Variants in PDE1C observed in about 807,000 individuals in gnomAD.
The protein encoded by PDE1C is phosphodiesterase 1C, also known as dual specificity calcium/calmodulin-dependent 3',5'-cyclic nucleotide phosphodiesterase 1C.
Under a neutral mutation model 93.1 loss-of-function variants are expected in PDE1C, and 62 were observed. The ratio of observed to expected loss-of-function variants is 0.67; its 90% CI spans 0.54 to 0.82. PDE1C has a LOEUF of 0.82. Among genes scored for constraint, PDE1C ranks in the 40% least tolerant of loss-of-function variants. The pLI, the probability that PDE1C is intolerant of heterozygous loss-of-function variation, is 0.00. For missense variants in PDE1C, 742 were observed against 884.6 expected (o/e 0.84, Z 2.04); for synonymous variants, 325 against 310.1 (o/e 1.05, Z -0.50).
At chr7:32,240,694 G>T (rs1808482617) in intron 1 of PDE1C, among the ~76,000 whole-genome samples, 1 of 152,112 alleles carries the variant, frequency 6.6e-6, no homozygotes, top group Non-Finnish European at 1.5e-5. Context: ...ACAAGATGGG[G>T]TCCTCCAGAC....
chr7:31,939,036 C>T (rs1420498303), intron 2 of PDE1C, among the ~76,000 whole-genome samples: 6 of 152,136 alleles, frequency 3.9e-5, no homozygotes, highest in African/African-American at 1.4e-4. Context: ...AATCCAAGTC[C>T]TTCAGGAAGT....
intron 1 of PDE1C, among the ~76,000 whole-genome samples, chr7:32,395,646 T>C (rs1562705589): frequency 6.6e-6 from 1 of 152,154 alleles, no homozygotes; most frequent in South Asian, 2.1e-4. Context: ...GGTAAGGCTA[T>C]AAATTACAGA....
intron 3 of PDE1C, among the ~76,000 whole-genome samples, chr7:32,101,937 G>A (rs1260393111): frequency 6.6e-6 from 1 of 152,100 alleles, no homozygotes; most frequent in Non-Finnish European, 1.5e-5. Context: ...GAGTGAGTGA[G>A]GGAATAGAGT....
chr7:32,098,335 A>G (rs1797874923), intron 3 of PDE1C, among the ~76,000 whole-genome samples: 1 of 151,846 alleles, frequency 6.6e-6, no homozygotes, highest in South Asian at 2.1e-4. Flanking sequence ...CCAAAAGTTA[A>G]GTGATTTGCC....
intron 17 of PDE1C, among the ~76,000 whole-genome samples, chr7:31,768,618 T>A (rs1460587234): frequency 6.6e-6 from 1 of 152,178 alleles, no homozygotes; most frequent in Non-Finnish European, 1.5e-5. Context: ...TATTGAAACA[T>A]CCCGCCTTCC....
intron 1 of PDE1C, among the ~76,000 whole-genome samples, chr7:32,371,183 A>G (rs73306178): frequency 2.0e-3 from 303 of 151,662 alleles, no homozygotes; most frequent in African/African-American, 7.2e-3. Flanking sequence ...TCTCCCACCA[A>G]AAAACAAAAA....
At chr7:31,676,820 A>G in the PDE1C span, among the ~76,000 whole-genome samples, 289 of 152,318 alleles carry the variant, frequency 1.9e-3, 1 homozygote, top group Non-Finnish European at 3.2e-3. Context: ...AAAGAAAAAA[A>G]AAGTCATGGT....
chr7:31,933,217 G>C (rs1442315006), intron 2 of PDE1C, among the ~76,000 whole-genome samples: 1 of 151,802 alleles, frequency 6.6e-6, no homozygotes, highest in Non-Finnish European at 1.5e-5. Flanking sequence ...ATGTAACCCA[G>C]AACTTAAAGT....
intron 9 of PDE1C, among the ~76,000 whole-genome samples, chr7:31,845,379 T>A (rs955525560): frequency 1.4e-4 from 21 of 152,148 alleles, no homozygotes; most frequent in Admixed American, 1.4e-3. Context: ...CTGGGTTCTG[T>A]TATATTGCTC....
intron 2 of PDE1C, among the ~76,000 whole-genome samples, chr7:32,045,239 C>A (rs1439969661): frequency 1.3e-5 from 2 of 151,932 alleles, no homozygotes; most frequent in Non-Finnish European, 2.9e-5. Context: ...AATTGTAGTG[C>A]TTTTTGGCCC....
intron 16 of PDE1C, among the ~76,000 whole-genome samples, chr7:31,791,598 G>T (rs1784600684): frequency 1.3e-5 from 2 of 152,094 alleles, no homozygotes; most frequent in African/African-American, 4.8e-5. Context: ...ACCACCTTCA[G>T]AGATGTCCCC....
the PDE1C span, among the ~76,000 whole-genome samples, chr7:31,618,893 T>G: frequency 6.6e-6 from 1 of 152,190 alleles, no homozygotes; most frequent in Non-Finnish European, 1.5e-5. Flanking sequence ...GCACATTGCA[T>G]GTTATAAGAA....
At chr7:32,312,606 T>C (rs1359632565) in intron 1 of PDE1C, among the ~76,000 whole-genome samples, 1 of 152,172 alleles carries the variant, frequency 6.6e-6, no homozygotes, top group Non-Finnish European at 1.5e-5. Context: ...GATGCATATC[T>C]ACAACCATCT....
intron 1 of PDE1C, among the ~76,000 whole-genome samples, chr7:32,308,999 G>GA (rs1194713288): frequency 3.3e-5 from 5 of 151,364 alleles, no homozygotes; most frequent in Admixed American, 2.0e-4. Context: ...TAAAAACTGT[G>GA]AAAAAAAATT....
intron 2 of PDE1C, among the ~76,000 whole-genome samples, chr7:32,009,119 T>C (rs1421465364): frequency 6.6e-6 from 1 of 152,168 alleles, no homozygotes; most frequent in Non-Finnish European, 1.5e-5. Flanking sequence ...AAACAATGGC[T>C]TTCAAAACAC....
chr7:31,650,710 A>G, the PDE1C span, among the ~76,000 whole-genome samples: 9 of 152,204 alleles, frequency 5.9e-5, 1 homozygote. Context: ...TCAAACACAT[A>G]CCAGCTGAAC....
intron 2 of PDE1C, among the ~76,000 whole-genome samples, chr7:32,036,373 A>C (rs1009079353): frequency 6.6e-6 from 1 of 152,210 alleles, no homozygotes; most frequent in Non-Finnish European, 1.5e-5. Context: ...ATATTAGAAA[A>C]GATGGAAGGT....
intron 1 of PDE1C, among the ~76,000 whole-genome samples, chr7:32,062,513 T>G (rs1054110188): frequency 1.6e-4 from 25 of 152,208 alleles, no homozygotes; most frequent in African/African-American, 6.0e-4. Flanking sequence ...TAGAATACGC[T>G]TCCCTAACTC....
chr7:31,998,060 C>T (rs1784965341), intron 2 of PDE1C, among the ~76,000 whole-genome samples: 1 of 151,526 alleles, frequency 6.6e-6, no homozygotes, highest in Admixed American at 6.6e-5. Context: ...CACTCTGTTG[C>T]CCAGGCTGGA....
Sources: allele counts gnomAD v4.1 joint callset (sites outside exome capture counted in the v4.1 genomes callset), GRCh38; gene constraint gnomAD v4.1.1; transcripts MANE v1.5; gene names NCBI Gene and HGNC (gene_info 2026-07-23, HGNC 2026-07-21).